Variants in SURF4 observed in about 807,000 individuals in gnomAD.
The protein encoded by SURF4 is surfeit locus protein 4.
A neutral mutation model predicts 30.0 loss-of-function variants in SURF4; 3 were observed. That is an observed-to-expected ratio of 0.10 (90% CI 0.05 to 0.26). The LOEUF (loss-of-function observed/expected upper bound fraction) is 0.26, where lower values mean the gene tolerates loss of function less well. SURF4 is among the 10% of genes least tolerant of loss of function. The pLI, the probability that SURF4 is intolerant of heterozygous loss-of-function variation, is 1.00. For synonymous variants in SURF4, 143 were observed against 139.9 expected (o/e 1.02, Z -0.16); for missense variants, 217 against 350.8 (o/e 0.62, Z 3.05).
chr9:133,375,264 C>G (rs1588725706), intron 1 of SURF4: 1 of 985,496 alleles, frequency 1.0e-6, no homozygotes, highest in African/African-American at 1.7e-5. Context: ...AGGAGACTAT[C>G]AGGGAGATAG....
In SURF4 at chr9:133,365,016, G is replaced by A. The variant is rs1427270037; in HGVS notation, c.367C>T (p.Leu123=). 9 of 1,565,976 alleles carry A rather than the reference G, an allele frequency of 5.7e-6. No individual in the cohort carries two copies. The highest frequency in any genetic ancestry group is 1.4e-5 in the African/African-American group (1 of 73,634). The change falls in exon 5 of 6, where the codon CTG becomes TTG. Residue 123 remains leucine, a synonymous_variant. Transcript: ENST00000371989. ...AGGAGCAGCAACAGGCCTCCTCCCAGGGCCAGGTTCCTGAGGAACAGATAT... is the reference window on the plus strand; with the variant it reads ...AGGAGCAGCAACAGGCCTCCTCCCAAGGCCAGGTTCCTGAGGAACAGATAT... The part of the protein sequence containing the change: ...DLKFLMRNLA[L]GGGLLLLLAE...
At position 133,363,669 on chromosome 9, in the gene SURF4, G is replaced by A. The variant is rs1196719484; in HGVS notation, c.634C>T (p.Leu212Phe). Reference protein sequence around the residue: ...KLAALTLVVWLFAINVYFNAF... With the variant: ...KLAALTLVVWFFAINVYFNAF... ...TTGAAATATACGTTGATGGCAAAGAGCCACACAACAAGAGTCAAAGCAGCC... is the reference window on the plus strand; with the variant it reads ...TTGAAATATACGTTGATGGCAAAGAACCACACAACAAGAGTCAAAGCAGCC... The change falls in exon 6 of 6, where the codon CTC becomes TTC. Residue 212 changes from leucine to phenylalanine, a missense_variant. Physicochemically the swap from Leu to Phe is conservative, Grantham distance 22. Transcript: ENST00000371989. The surrounding 1 kb of genome is among the most constrained non-coding windows in gnomAD (Gnocchi z 4.3). 2.5e-6 allele frequency: 4 copies of A among 1,614,106 alleles called. No homozygotes were observed. The highest frequency in any genetic ancestry group is 3.4e-6 in the Non-Finnish European group (4 of 1,180,046).
rs2130196249 is a variant in SURF4 at position 133,372,333 on chromosome 9, G to T, written c.48+3589C>A. Among the ~76,000 whole-genome samples, 298 of 152,368 alleles carry T rather than the reference G, an allele frequency of 2.0e-3. 1 individual carries two copies. Among genetic ancestry groups the T allele is most frequent in the African/African-American group, 6.9e-3 (286 of 41,588 alleles). ...TGGACCAGCCTCTGCAGGCCAGAAG[G>T]AAAGATCAGTCAACCAAGCAGTGAG... On this transcript the variant is annotated intron_variant, in intron 1 of 5. Transcript: ENST00000371989.
Position 133,361,473 on chromosome 9 carries a change from C to A in SURF4, c.*2020G>T. Reference sequence around the variant, plus strand: ...ATAGGATCACACTGCATACAACAAACGCCATTATTTATTTTGATGTGTTTC... The same window carrying A: ...ATAGGATCACACTGCATACAACAAAAGCCATTATTTATTTTGATGTGTTTC... On this transcript the variant is annotated 3_prime_UTR_variant, in exon 6 of 6. Transcript: ENST00000371989. 1 of 204,576 alleles carries A rather than the reference C, an allele frequency of 4.9e-6. No homozygotes were observed. Among genetic ancestry groups the A allele is most frequent in the Non-Finnish European group, 1.0e-5 (1 of 99,364 alleles). The allele number at this position is 204,576 out of a possible 1,614,324, so 12.7% of individuals were successfully genotyped here.
At chr9:133,369,605 C>T (rs1048688465) in intron 1 of SURF4, among the ~76,000 whole-genome samples, 5 of 152,208 alleles carry the variant, frequency 3.3e-5, no homozygotes, top group African/African-American at 1.2e-4. Context: ...CACAGTGTGA[C>T]GCAACCTGCA....
intron 3 of SURF4, 27 bp downstream of exon 3, chr9:133,366,572 G>C: frequency 6.2e-7 from 1 of 1,612,630 alleles, no homozygotes; most frequent in Non-Finnish European, 8.5e-7. Flanking sequence ...CAAAGAGAAG[G>C]GAGCCCCGAC....
intron 1 of SURF4, chr9:133,370,816 C>T: frequency 8.2e-7 from 1 of 1,226,420 alleles, no homozygotes; most frequent in Non-Finnish European, 1.1e-6. Context: ...ACTGCGACAG[C>T]AGAGCCAGAG....
chr9:133,367,230 G>A, intron 2 of SURF4, 29 bp downstream of exon 2: 2 of 1,608,976 alleles, frequency 1.2e-6, no homozygotes, highest in Non-Finnish European at 1.7e-6. Flanking sequence ...GACGCCCAGT[G>A]AATCCTGACC....
At chr9:133,367,589 C>A (rs782585103) in intron 1 of SURF4, 144 bp from the exon 2 acceptor site, 2 of 1,522,094 alleles carry the variant, frequency 1.3e-6, no homozygotes, top group African/African-American at 1.4e-5. Context: ...CTTCCCAGGG[C>A]AGACTAGGGG....
At chr9:133,371,777 G>A (rs2130192013) in intron 1 of SURF4, among the ~76,000 whole-genome samples, 7 of 152,184 alleles carry the variant, frequency 4.6e-5, no homozygotes, top group African/African-American at 1.7e-4. Context: ...CCCTCACAGT[G>A]CCTGTGCCAC....
In SURF4 at chr9:133,363,791, T is replaced by G. The variant is rs1564360922; in HGVS notation, c.544-32A>C. 1.9e-6 allele frequency: 3 copies of G among 1,612,884 alleles called. No homozygotes were observed. The Admixed American group carries it at 5.0e-5, about 27-fold the overall frequency. Reference sequence around the variant, plus strand: ...AGGTTGAAACGTAAGAAATTCAAAATAAATGTGAGGAAAAGAGATGCTTTA... The same window carrying G: ...AGGTTGAAACGTAAGAAATTCAAAAGAAATGTGAGGAAAAGAGATGCTTTA... On this transcript the variant is annotated intron_variant, in intron 5 of 5. Coordinates refer to ENST00000371989, the MANE Select transcript of SURF4 (RefSeq NM_033161.4). The surrounding 1 kb of genome is among the most constrained non-coding windows in gnomAD (Gnocchi z 4.3).
Position 133,375,940 on chromosome 9 carries a change from G to A in SURF4, c.30C>T (p.Ala10=). The A allele has an allele frequency of 8.1e-7, 1 of 1,232,964 alleles. No homozygotes were observed. Among genetic ancestry groups the A allele is most frequent in the Non-Finnish European group, 1.0e-6 (1 of 984,046 alleles). 76.4% of individuals were successfully genotyped at this position (1,232,964 alleles called of 1,614,324 possible). A position where few individuals can be genotyped will look rare whatever the true frequency, so the allele number is the denominator to read the frequency against. The stretch of plus-strand genomic sequence containing the variant: ...GCCGCACCTGGTCGGCGAAGTCCTC[G>A]GCCGTGCCCATCAGGTCGTTCTGGC... MGQNDLMGT[A]EDFADQFLRV... Residue 10 remains alanine, a synonymous_variant, in exon 1 of 6, where the codon GCC becomes GCT. Transcript: ENST00000371989.
At chr9:133,368,443 C>G (rs191900255) in intron 1 of SURF4, among the ~76,000 whole-genome samples, 225 of 152,382 alleles carry the variant, frequency 1.5e-3, no homozygotes, top group African/African-American at 5.3e-3. Context: ...AGCTCAGGAT[C>G]TGACGTGGGG....
upstream of SURF4, chr9:133,376,314 T>G (rs1416951360): frequency 7.4e-7 from 1 of 1,351,990 alleles, no homozygotes; most frequent in Non-Finnish European, 9.5e-7. Context: ...CGCGTCCCTT[T>G]TAAGGGGGCG....
Position 133,375,725 on chromosome 9 carries a change from C to G in SURF4, c.48+197G>C, listed in dbSNP as rs2130240128. 2.8e-4 allele frequency among the ~76,000 whole-genome samples: 42 copies of G among 152,198 alleles called. No individual in the cohort carries two copies. In the South Asian group the frequency reaches 8.3e-3, roughly 30 times the overall value. On this transcript the variant is annotated intron_variant, in intron 1 of 5. Transcript: ENST00000371989. ...CGGGCTCCGGGAGCGGCCCAGCGGG[C>G]AGGGGAGACTGGGCCCGGAGGCCGG...
upstream of SURF4, chr9:133,376,425 G>C: frequency 2.0e-6 from 3 of 1,501,622 alleles, no homozygotes; most frequent in Non-Finnish European, 1.8e-6. Flanking sequence ...TGACCCACGC[G>C]GGGTGGGGCC....
rs2130111057 is a variant in SURF4 at position 133,364,906 on chromosome 9, G to A, written c.477C>T (p.Leu159=). The change falls in exon 5 of 6, where the codon CTC becomes CTT. Residue 159 remains leucine, a synonymous_variant. Coordinates refer to ENST00000371989, the MANE Select transcript of SURF4 (RefSeq NM_033161.4). ...TCAGAACCAGCAAGACCCTGCCTCC[G>A]AGCTGCATGTACTGTTTGGGGGAGC... is the stretch of plus-strand genomic sequence containing the variant. ...RESSPKQYMQ[L]GGRVLLVLMF... 2.9e-5 allele frequency: 46 copies of A among 1,613,934 alleles called. No homozygotes were observed. In the South Asian group the frequency reaches 4.4e-4, roughly 15 times the overall value.
At chr9:133,376,637 C>A, upstream of SURF4, 1 of 1,349,224 alleles carries the variant, frequency 7.4e-7, no homozygotes. Flanking sequence ...GCCGGCGGTT[C>A]CGACCGAGGG....
chr9:133,375,543 A>C (rs962848494), intron 1 of SURF4, among the ~76,000 whole-genome samples: 1 of 151,796 alleles, frequency 6.6e-6, no homozygotes, highest in Non-Finnish European at 1.5e-5. Context: ...ACGTGCGGGG[A>C]CCCCCCAGCA....
Sources: gnomAD v4.1 joint callset for allele counts (sites outside exome capture counted in the v4.1 genomes callset) on GRCh38, gnomAD v4.1.1 for gene constraint, Gnocchi (gnomAD v3.1) non-coding constraint, MANE v1.5 for transcripts, NCBI Gene and HGNC (gene_info 2026-07-23, HGNC 2026-07-21) for gene names.